Variants in CACNA1C observed in about 807,000 individuals in gnomAD.
The protein encoded by CACNA1C is calcium voltage-gated channel subunit alpha1 C, also known as voltage-dependent L-type calcium channel subunit alpha-1C.
A neutral mutation model predicts 229.0 loss-of-function variants in CACNA1C; 30 were observed. The ratio of observed to expected loss-of-function variants is 0.13; its 90% CI spans 0.10 to 0.18. The LOEUF is 0.18. Ranked by LOEUF, CACNA1C falls within the 10% of genes least tolerant of loss-of-function variation. The pLI is 1.00. For missense variants in CACNA1C, 1,658 were observed against 2,845.0 expected (o/e 0.58, Z 9.49); for synonymous variants, 1,114 against 1,132.5 (o/e 0.98, Z 0.33).
chr12:2,552,437 G>T (rs1353832095), intron 10 of CACNA1C, among the ~76,000 whole-genome samples: 1 of 152,224 alleles, frequency 6.6e-6, no homozygotes, highest in Non-Finnish European at 1.5e-5. Context: ...TAAAATTCCA[G>T]CTGAGAACAG....
At chr12:2,331,159 C>A (rs866623568) in intron 3 of CACNA1C, among the ~76,000 whole-genome samples, 9 of 152,036 alleles carry the variant, frequency 5.9e-5, no homozygotes, top group African/African-American at 1.9e-4. Flanking sequence ...AGTGTTCAAC[C>A]TCAGCAATAA....
At chr12:1,975,656 T>TAC (rs1248179646) in intron 1 of CACNA1C, among the ~76,000 whole-genome samples, 1 of 152,186 alleles carries the variant, frequency 6.6e-6, no homozygotes, top group Non-Finnish European at 1.5e-5. Flanking sequence ...AGATGCAGCG[T>TAC]ATCAATCTGA....
chr12:2,547,237 A>G (rs1407579434), intron 9 of CACNA1C, among the ~76,000 whole-genome samples: 1 of 152,062 alleles, frequency 6.6e-6, no homozygotes, highest in African/African-American at 2.4e-5. Context: ...TTGTGATGTT[A>G]ATTCATGTGA....
intron 3 of CACNA1C, among the ~76,000 whole-genome samples, chr12:2,124,934 T>C (rs990260720): frequency 2.0e-5 from 3 of 152,082 alleles, no homozygotes; most frequent in Non-Finnish European, 4.4e-5. Context: ...GGAGACTGTT[T>C]ATGCTGAGGA....
At chr12:2,271,881 G>C (rs995602748) in intron 3 of CACNA1C, among the ~76,000 whole-genome samples, 14 of 152,150 alleles carry the variant, frequency 9.2e-5, no homozygotes, top group African/African-American at 3.4e-4. Context: ...GGGTGAGAGA[G>C]TGAGACTGTC....
intron 3 of CACNA1C, among the ~76,000 whole-genome samples, chr12:2,393,740 A>T (rs1282767152): frequency 1.3e-5 from 2 of 152,210 alleles, no homozygotes; most frequent in Non-Finnish European, 2.9e-5. Flanking sequence ...TAAGAAGGTT[A>T]TAAGATCAAA....
intron 42 of CACNA1C, among the ~76,000 whole-genome samples, chr12:2,680,020 C>T (rs919517139): frequency 2.0e-5 from 3 of 152,242 alleles, no homozygotes; most frequent in Non-Finnish European, 4.4e-5. Context: ...TGGCCTGCGG[C>T]GCTGGTTCTC....
intron 10 of CACNA1C, among the ~76,000 whole-genome samples, 198 bp from the exon 11 acceptor site, chr12:2,556,753 A>C (rs1426065253): frequency 2.0e-5 from 3 of 152,226 alleles, no homozygotes; most frequent in Admixed American, 6.5e-5. Flanking sequence ...GATGCTAGCC[A>C]GGCCAGACCT....
At position 2,690,938 on chromosome 12, in the gene CACNA1C, T is replaced by C. The variant is rs1340284084; in HGVS notation, c.6156T>C (p.Asp2052=). The change falls in exon 47 of 47, where the codon GAT becomes GAC. Residue 2052 remains aspartate (D), a synonymous_variant. Coordinates refer to ENST00000399655, the MANE Select transcript of CACNA1C (RefSeq NM_000719.7). ...ISEGLGQFAQ[D]PKFIEVTTQE... is the part of the protein sequence containing the mutation. ...AAGGACTGGGGCAGTTTGCTCAAGA[T>C]CCCAAGTTCATCGAGGTCACCACCC... The C allele has an allele frequency of 6.3e-7, 1 of 1,594,628 alleles. No homozygotes were observed. Among genetic ancestry groups the C allele is most frequent in the Non-Finnish European group, 8.5e-7 (1 of 1,169,612 alleles).
At chr12:2,491,811 C>G (rs991431218) in intron 6 of CACNA1C, among the ~76,000 whole-genome samples, 4 of 152,172 alleles carry the variant, frequency 2.6e-5, no homozygotes, top group African/African-American at 9.7e-5. Context: ...GATTTAAAGC[C>G]ACCGACTGAG....
chr12:2,555,473 G>A (rs1465262054), intron 10 of CACNA1C, among the ~76,000 whole-genome samples: 2 of 152,228 alleles, frequency 1.3e-5, no homozygotes, highest in Non-Finnish European at 2.9e-5. Flanking sequence ...AGCAGCCTGG[G>A]AAGACACTGA....
intron 13 of CACNA1C, among the ~76,000 whole-genome samples, chr12:2,574,535 C>G (rs972341323): frequency 1.3e-5 from 2 of 152,194 alleles, no homozygotes; most frequent in Admixed American, 6.5e-5. Flanking sequence ...CTTCCCAGGC[C>G]TTGAAATGGG....
chr12:2,422,147 TC>T (rs2098985722), intron 3 of CACNA1C, among the ~76,000 whole-genome samples: 1 of 152,214 alleles, frequency 6.6e-6, no homozygotes, highest in African/African-American at 2.4e-5. Context: ...ACAAAGTGAT[TC>T]TTCCTCCATG....
chr12:2,617,228 G>A (rs1217367462), intron 29 of CACNA1C, among the ~76,000 whole-genome samples: 3 of 152,136 alleles, frequency 2.0e-5, no homozygotes, highest in African/African-American at 4.8e-5. Context: ...AGGACTAGTC[G>A]GTAGCCTGGT....
At chr12:2,017,591 T>C (rs1014676152) in intron 1 of CACNA1C, among the ~76,000 whole-genome samples, 2 of 152,010 alleles carry the variant, frequency 1.3e-5, no homozygotes, top group South Asian at 4.1e-4. Flanking sequence ...TCCAATTACC[T>C]GGATAATTGC....
intron 9 of CACNA1C, among the ~76,000 whole-genome samples, chr12:2,534,892 C>G (rs929779818): frequency 6.6e-6 from 1 of 152,194 alleles, no homozygotes; most frequent in Non-Finnish European, 1.5e-5. Flanking sequence ...CTATAAGTGA[C>G]ACAACATGAC....
intron 3 of CACNA1C, among the ~76,000 whole-genome samples, chr12:2,209,500 G>T (rs1001264772): frequency 2.0e-5 from 3 of 152,192 alleles, no homozygotes; most frequent in South Asian, 2.1e-4. Context: ...TGTAGCTGGG[G>T]TGCTGTTTCA....
At chr12:2,311,216 T>C (rs1288620496) in intron 3 of CACNA1C, among the ~76,000 whole-genome samples, 5 of 152,236 alleles carry the variant, frequency 3.3e-5, no homozygotes, top group African/African-American at 4.8e-5. Context: ...TCTGGTTCTT[T>C]GAGCAAATGA....
rs533269517 is a variant in CACNA1C, at chr12:2,135,795, C to T, written c.477+15365C>T. 4.8e-5 allele frequency among the ~76,000 whole-genome samples: 7 copies of T among 146,750 alleles called. No individual in the cohort carries two copies. In the East Asian group the frequency reaches 1.4e-3, roughly 29 times the overall value. ...GCCCTGCCCCCAGAGGTGGAGCCTACAGAGGCAGGCAGGCCTCCTTGAGCT... is the reference window on the plus strand; with the variant it reads ...GCCCTGCCCCCAGAGGTGGAGCCTATAGAGGCAGGCAGGCCTCCTTGAGCT... On this transcript the variant is annotated intron_variant, in intron 3 of 46. Transcript: ENST00000399655.
Sources: allele counts gnomAD v4.1 joint callset (sites outside exome capture counted in the v4.1 genomes callset), GRCh38; gene constraint gnomAD v4.1.1; transcripts MANE v1.5; gene names NCBI Gene and HGNC (gene_info 2026-07-23, HGNC 2026-07-21).